Variants in RUNX1T1 observed in about 807,000 individuals in gnomAD.
The protein encoded by RUNX1T1 is protein CBFA2T1.
In RUNX1T1, 4 loss-of-function variants were observed where a neutral mutation model predicts 62.8. The observed-to-expected ratio is 0.06, with a 90% CI of 0.03 to 0.15. The LOEUF is 0.15. RUNX1T1 is among the 10% of genes least tolerant of loss of function. The pLI is 1.00. For synonymous variants in RUNX1T1, 291 were observed against 286.0 expected (o/e 1.02, Z -0.18); for missense variants, 508 against 754.3 (o/e 0.67, Z 3.82).
At chr8:92,054,947 G>A (rs1184554291) in intron 1 of RUNX1T1, among the ~76,000 whole-genome samples, 1 of 152,142 alleles carries the variant, frequency 6.6e-6, no homozygotes, top group Non-Finnish European at 1.5e-5. Flanking sequence ...GGAGGTTGCA[G>A]TGAGCCAAGA....
intron 5 of RUNX1T1, among the ~76,000 whole-genome samples, chr8:92,002,086 A>C (rs925688777): frequency 1.3e-5 from 2 of 152,210 alleles, no homozygotes; most frequent in African/African-American, 4.8e-5. Flanking sequence ...CAGAATGGTA[A>C]AAGAATAAAT....
rs544917509 is a variant in RUNX1T1 at position 91,999,522 on chromosome 8, G to A, written c.659+5594C>T. On this transcript the variant is annotated intron_variant, in intron 5 of 10. Coordinates refer to ENST00000396218, the Ensembl canonical transcript of RUNX1T1. ...TTGTTTTCAAGCAGGGGCATTCAGA[G>A]GCTGATGATACAGAATCACGGCTAT... Among the ~76,000 whole-genome samples, 7 of 152,230 alleles carry A rather than the reference G, an allele frequency of 4.6e-5. No individual in the cohort carries two copies. The South Asian group carries it at 1.5e-3, about 32-fold the overall frequency.
chr8:91,963,470 GA>G (rs58528880), intron 10 of RUNX1T1, among the ~76,000 whole-genome samples: 9,516 of 152,248 alleles, frequency 0.063, 1,005 homozygotes, highest in African/African-American at 0.22. Flanking sequence ...AAGCTCATTA[GA>G]AAACTGAAAG....
rs999206743 is a variant in RUNX1T1 at position 92,062,704 on chromosome 8, G to A, written c.-152C>T. The A allele has an allele frequency of 1.5e-5, 24 of 1,581,504 alleles. No homozygotes were observed. The African/African-American group carries it at 2.1e-4, about 14-fold the overall frequency. On this transcript the variant is annotated 5_prime_UTR_variant, in exon 1 of 11. Coordinates refer to ENST00000396218, the Ensembl canonical transcript of RUNX1T1. ...TCGCCGGAGGCAGGGTGCTGGGCGC[G>A]TGCGCCTGCCAGGCAGAGACAGATG...
chr8:91,969,222 T>G lies in RUNX1T1; in HGVS notation c.1458+1436A>C, dbSNP rs139483320. Among the ~76,000 whole-genome samples, 1,146 of 152,336 alleles carry G rather than the reference T, an allele frequency of 7.5e-3. 15 individuals carry two copies. Among genetic ancestry groups the G allele is most frequent in the Middle Eastern group, 0.048 (14 of 294 alleles). On this transcript the variant is annotated intron_variant, in intron 10 of 10. Coordinates refer to ENST00000396218, the Ensembl canonical transcript of RUNX1T1. ...GATCACATATTTTCTAAATAGGTTT[T>G]AGGAATAAAGACACAAAGCTTATAA...
At chr8:92,079,101 T>A (rs1834856952) in intron 1 of RUNX1T1, among the ~76,000 whole-genome samples, 1 of 152,236 alleles carries the variant, frequency 6.6e-6, no homozygotes, top group Admixed American at 6.5e-5. Context: ...TAGAGAATTC[T>A]ATCAACATTT....
exon 3 of RUNX1T1, chr8:92,014,654 A>G: frequency 1.2e-6 from 2 of 1,613,976 alleles, no homozygotes; most frequent in Non-Finnish European, 1.7e-6. Context: ...GCTGCAGGGT[A>G]GTAAGGAACC....
chr8:92,062,926 A>G (rs1185994416), exon 1 of RUNX1T1: 4 of 1,291,792 alleles, frequency 3.1e-6, no homozygotes, highest in Non-Finnish European at 2.0e-6. Flanking sequence ...AAAAAGTGAA[A>G]TTCAGAATGA....
At chr8:92,052,213 A>G (rs1830350134) in intron 1 of RUNX1T1, among the ~76,000 whole-genome samples, 1 of 152,206 alleles carries the variant, frequency 6.6e-6, no homozygotes, top group African/African-American at 2.4e-5. Flanking sequence ...ATAAAAGAAA[A>G]TCTTTGTATA....
At chr8:92,094,653 CA>C in intron 1 of RUNX1T1, among the ~76,000 whole-genome samples, 1 of 152,156 alleles carries the variant, frequency 6.6e-6, no homozygotes, top group Non-Finnish European at 1.5e-5. Context: ...TGATCAATCC[CA>C]AAGCCTTTAC....
chr8:91,970,023 T>TGTGTGTGTGC (rs1321728320), intron 10 of RUNX1T1, among the ~76,000 whole-genome samples: 1 of 58,888 alleles, frequency 1.7e-5, no homozygotes, highest in African/African-American at 5.7e-5. Context: ...GCTAGCTGTG[T>TGTGTGTGTGC]GTGTGTGTGT....
intron 1 of RUNX1T1, among the ~76,000 whole-genome samples, chr8:92,088,766 T>C (rs1184570843): frequency 6.6e-6 from 1 of 152,206 alleles, no homozygotes; most frequent in Non-Finnish European, 1.5e-5. Flanking sequence ...TCTAGCTCAT[T>C]ACTGCTCTGA....
At chr8:92,072,691 G>A (rs1563901907) in intron 2 of RUNX1T1, among the ~76,000 whole-genome samples, 1 of 152,202 alleles carries the variant, frequency 6.6e-6, no homozygotes, top group Non-Finnish European at 1.5e-5. Flanking sequence ...CCTGGGATCA[G>A]TGTGCAGTGC....
intron 2 of RUNX1T1, chr8:92,071,106 T>G (rs536330752): frequency 2.0e-5 from 3 of 152,244 alleles, no homozygotes; most frequent in Admixed American, 1.3e-4. Flanking sequence ...TGTGCAAATA[T>G]TATTTCTCAC....
intron 1 of RUNX1T1, among the ~76,000 whole-genome samples, chr8:92,092,251 T>C (rs1837142924): frequency 6.6e-6 from 1 of 152,216 alleles, no homozygotes; most frequent in Admixed American, 6.5e-5. Flanking sequence ...TTAAGACATC[T>C]TAAGAGTTTC....
At chr8:92,034,836 A>C (rs1214698079) in intron 1 of RUNX1T1, among the ~76,000 whole-genome samples, 6 of 148,988 alleles carry the variant, frequency 4.0e-5, no homozygotes, top group African/African-American at 7.4e-5. Context: ...ACACACACAC[A>C]CCATGGAATA....
At chr8:91,977,052 C>T in intron 8 of RUNX1T1, 1 of 191,302 alleles carries the variant, frequency 5.2e-6, no homozygotes, top group Non-Finnish European at 1.1e-5. Context: ...TATGGTGCTA[C>T]ACAATGTCAA....
chr8:92,072,382 A>G (rs1375706543), intron 2 of RUNX1T1, among the ~76,000 whole-genome samples: 1 of 152,192 alleles, frequency 6.6e-6, no homozygotes, highest in African/African-American at 2.4e-5. Context: ...GTGCAAAGTC[A>G]CCAAACTCAG....
At chr8:91,994,870 C>T (rs2130915111) in intron 5 of RUNX1T1, among the ~76,000 whole-genome samples, 1 of 152,284 alleles carries the variant, frequency 6.6e-6, no homozygotes, top group South Asian at 2.1e-4. Flanking sequence ...TTTCTGCAGT[C>T]CCTTCTAGTT....
Sources: allele counts gnomAD v4.1 joint callset (sites outside exome capture counted in the v4.1 genomes callset), GRCh38; gene constraint gnomAD v4.1.1; transcripts MANE v1.5; gene names NCBI Gene and HGNC (gene_info 2026-07-23, HGNC 2026-07-21).